Variants in DENND4C observed in about 807,000 individuals in gnomAD.
DENND4C encodes DENN domain containing 4C, also known as DENN domain-containing protein 4C.
A neutral mutation model predicts 203.0 loss-of-function variants in DENND4C; 108 were observed. The observed-to-expected ratio is 0.53, with a 90% CI of 0.46 to 0.62. The LOEUF (loss-of-function observed/expected upper bound fraction) is 0.62. Ranked by LOEUF, DENND4C falls within the 20% of genes least tolerant of loss-of-function variation. The pLI is 0.00. For missense variants in DENND4C, 2,481 were observed against 2,301.2 expected, an observed-to-expected ratio of 1.08 and a Z score of -1.60; for synonymous variants, 871 against 792.4, an observed-to-expected ratio of 1.10 and a Z score of -1.67.
intron 1 of DENND4C, among the ~76,000 whole-genome samples, chr9:19,273,199 C>T (rs1832131917): frequency 1.3e-5 from 2 of 151,892 alleles, no homozygotes; most frequent in South Asian, 4.2e-4. Context: ...GATCCACCTG[C>T]CTCGGCCTCC....
intron 21 of DENND4C, among the ~76,000 whole-genome samples, chr9:19,342,091 T>C (rs1352387762): frequency 7.1e-6 from 1 of 141,346 alleles, no homozygotes; most frequent in Non-Finnish European, 1.5e-5. Flanking sequence ...GCCATTGCAC[T>C]CTAGCCTGGG....
At chr9:19,317,650 T>C (rs1188803378) in intron 12 of DENND4C, among the ~76,000 whole-genome samples, 1 of 152,226 alleles carries the variant, frequency 6.6e-6, no homozygotes, top group Non-Finnish European at 1.5e-5. Flanking sequence ...CACTTAAATA[T>C]TTAGTTACTA....
At position 19,253,565 on chromosome 9, in the gene DENND4C, A is replaced by G. The variant is rs138630789; in HGVS notation, c.-17-22593A>G. ...CTATTTTAAATTGCTTAAATGTAGCAAATAGCTTTGATAAAACTGTACTTT... is the reference window on the plus strand; with the variant it reads ...CTATTTTAAATTGCTTAAATGTAGCGAATAGCTTTGATAAAACTGTACTTT... On this transcript the variant is annotated intron_variant, in intron 1 of 32. Coordinates refer to ENST00000434457, the MANE Select transcript of DENND4C (RefSeq NM_001330640.2). Among the ~76,000 whole-genome samples, 1,050 of 152,374 alleles carry G rather than the reference A, an allele frequency of 6.9e-3. 15 individuals carry two copies. The highest frequency in any genetic ancestry group is 0.024 in the African/African-American group (1,006 of 41,598).
chr9:19,278,624 G>T (rs976113349), intron 2 of DENND4C, among the ~76,000 whole-genome samples: 13 of 152,122 alleles, frequency 8.5e-5, no homozygotes, highest in African/African-American at 3.1e-4. Flanking sequence ...AGTTTAAAAA[G>T]TCCTCATTTT....
chr9:19,257,526 A>C lies in DENND4C; in HGVS notation c.-17-18632A>C, dbSNP rs189549594. On this transcript the variant is annotated intron_variant, in intron 1 of 32. Transcript: ENST00000434457. ...AAAAGAAGAGCAAATTAAACTCTAC[A>C]TAAGCAGAGAAAAGAAAATAATAAA... Among the ~76,000 whole-genome samples the C allele has an allele frequency of 2.4e-3, 363 of 152,306 alleles. 3 individuals are homozygous for C. The highest frequency in any genetic ancestry group is 4.3e-3 in the Non-Finnish European group (290 of 68,028).
intron 1 of DENND4C, among the ~76,000 whole-genome samples, chr9:19,272,080 T>G (rs1042711750): frequency 1.3e-5 from 2 of 151,898 alleles, no homozygotes; most frequent in Non-Finnish European, 2.9e-5. Flanking sequence ...AGGTATGAAA[T>G]CATTACAGTG....
chr9:19,273,335 C>G (rs920984776), intron 1 of DENND4C, among the ~76,000 whole-genome samples: 1 of 151,942 alleles, frequency 6.6e-6, no homozygotes, highest in Non-Finnish European at 1.5e-5. Flanking sequence ...ATCCACCCAC[C>G]TTGGCCTCCC....
chr9:19,350,452 G>C (rs1823837570), intron 23 of DENND4C, among the ~76,000 whole-genome samples: 1 of 152,070 alleles, frequency 6.6e-6, no homozygotes, highest in Admixed American at 6.6e-5. Context: ...TCAATATTGA[G>C]AGACACCCAG....
chr9:19,249,541 C>T (rs1299045714), intron 1 of DENND4C, among the ~76,000 whole-genome samples: 1 of 152,126 alleles, frequency 6.6e-6, no homozygotes, highest in East Asian at 1.9e-4. Flanking sequence ...TAGGTGTAAG[C>T]CATCGCGCCT....
At position 19,328,140 on chromosome 9, in the gene DENND4C, T is replaced by G. The variant is rs1252471693; in HGVS notation, c.2231T>G (p.Leu744Arg). 6.2e-7 allele frequency: 1 copy of G among 1,609,796 alleles called. No individual in the cohort carries two copies. Among genetic ancestry groups the G allele is most frequent in the East Asian group, 2.2e-5 (1 of 44,806 alleles). The change falls in exon 16 of 33, where the codon CTC becomes CGC. Residue 744 changes from leucine (L) to arginine (R), a missense_variant. Transcript: ENST00000434457. ...AATAGCATTACAAAGAGTCCACCTC[T>G]CATGGCTAAGAGAACTAAACAGGTC... Reference protein sequence around the residue: ...TGNSITKSPPLMAKRTKQEIK... With the variant: ...TGNSITKSPPRMAKRTKQEIK...
chr9:19,316,298 G>A, intron 10 of DENND4C, 119 bp from the exon 11 acceptor site: 1 of 720,764 alleles, frequency 1.4e-6, no homozygotes, highest in Non-Finnish European at 2.3e-6. Flanking sequence ...GTTTGCATCA[G>A]TTAAGACTGT....
At chr9:19,345,672 G>T (rs1822721211) in intron 22 of DENND4C, among the ~76,000 whole-genome samples, 1 of 152,016 alleles carries the variant, frequency 6.6e-6, no homozygotes, top group African/African-American at 2.4e-5. Flanking sequence ...TGCATGATTT[G>T]TTTTTTTAAA....
At chr9:19,353,108 GA>G (rs1364117168) in intron 26 of DENND4C, among the ~76,000 whole-genome samples, 3 of 151,864 alleles carry the variant, frequency 2.0e-5, no homozygotes, top group Non-Finnish European at 2.9e-5. Flanking sequence ...AAACAAAGGG[GA>G]AAAAAAGGCT....
intron 20 of DENND4C, among the ~76,000 whole-genome samples, chr9:19,337,225 A>T (rs1420089689): frequency 6.6e-6 from 1 of 152,260 alleles, no homozygotes; most frequent in Non-Finnish European, 1.5e-5. Context: ...GAAGGAAGTC[A>T]CACAATGAGA....
chr9:19,327,943 A>G, intron 15 of DENND4C, 87 bp from the exon 16 acceptor site: 1 of 1,255,414 alleles, frequency 8.0e-7, no homozygotes, highest in South Asian at 1.6e-5. Flanking sequence ...TACTATTTGA[A>G]GTTTAGAAAT....
chr9:19,346,173 G>C lies in DENND4C; in HGVS notation c.3404G>C (p.Cys1135Ser). The C allele has an allele frequency of 6.2e-7, 1 of 1,614,214 alleles. No homozygotes were observed. Among genetic ancestry groups the C allele is most frequent in the Non-Finnish European group, 8.5e-7 (1 of 1,180,036 alleles). Residue 1135 changes from cysteine to serine, a missense_variant, in exon 23 of 33, where the codon TGT becomes TCT. By Grantham distance (112) the Cys-to-Ser change is moderately radical. This residue lies in a region of DENND4C where 2,289 missense variants were observed against 2,113.3 expected (regional missense o/e 1.08). Coordinates refer to ENST00000434457, the MANE Select transcript of DENND4C (RefSeq NM_001330640.2). Reference sequence around the variant, plus strand: ...AAGATTCTCACAGCAGCATTGACATGTCCTAAGACTTCTCTACTTCATATT... The same window carrying C: ...AAGATTCTCACAGCAGCATTGACATCTCCTAAGACTTCTCTACTTCATATT... ...DAKILTAALT[C>S]PKTSLLHIAR...
At chr9:19,345,820 C>CT in intron 22 of DENND4C, 101 bp from the exon 23 acceptor site, 1 of 1,087,732 alleles carries the variant, frequency 9.2e-7, no homozygotes. Context: ...ATCTTTTATT[C>CT]TGAGTATATG....
intron 1 of DENND4C, among the ~76,000 whole-genome samples, chr9:19,261,683 T>TA (rs1400256367): frequency 2.0e-5 from 3 of 150,948 alleles, no homozygotes; most frequent in African/African-American, 7.3e-5. Context: ...TTTTTTTTTT[T>TA]ACTCTTAGAG....
chr9:19,270,086 T>G (rs1171514927), intron 1 of DENND4C, among the ~76,000 whole-genome samples: 1 of 152,138 alleles, frequency 6.6e-6, no homozygotes, highest in Non-Finnish European at 1.5e-5. Context: ...CACAGTCTCT[T>G]GTTCTCTTTC....
Sources: allele counts gnomAD v4.1 joint callset (sites outside exome capture counted in the v4.1 genomes callset), GRCh38; gene constraint gnomAD v4.1.1; regional missense constraint gnomAD v4.1.1; transcripts MANE v1.5; gene names NCBI Gene and HGNC (gene_info 2026-07-23, HGNC 2026-07-21).